The following FHIT variants were observed in gnomAD, a reference collection of about 807,000 sequenced individuals.
FHIT encodes bis(5'-adenosyl)-triphosphatase.
In FHIT, 19 loss-of-function variants were observed where a neutral mutation model predicts 17.9. The observed-to-expected ratio is 1.06, with a 90% CI of 0.74 to 1.56. The LOEUF (loss-of-function observed/expected upper bound fraction) is 1.56. FHIT is among the 40% of genes most tolerant of loss of function. The probability of loss-of-function intolerance (pLI) is 0.00; values close to 1 mark genes in which losing one functional copy is unlikely to be tolerated. For synonymous variants in FHIT, 81 were observed against 69.7 expected (o/e 1.16, Z -0.81); for missense variants, 248 against 189.2 (o/e 1.31, Z -1.82).
At position 60,224,260 on chromosome 3, in the gene FHIT, T is replaced by C. The variant is rs555284687; in HGVS notation, c.104-210108A>G. On this transcript the variant is annotated intron_variant, in intron 5 of 9. Transcript: ENST00000492590. ...CCATTCTTCCTGGTTCCAGAGTCCGTACTCTAAAGACCCACTACCCACTAT... is the reference window on the plus strand; with the variant it reads ...CCATTCTTCCTGGTTCCAGAGTCCGCACTCTAAAGACCCACTACCCACTAT... Among the ~76,000 whole-genome samples the C allele has an allele frequency of 3.0e-4, 46 of 152,244 alleles. 1 individual carries two copies. Among genetic ancestry groups the C allele is most frequent in the African/African-American group, 1.0e-3 (42 of 41,554 alleles).
At chr3:60,124,685 T>C (rs9871341) in intron 5 of FHIT, among the ~76,000 whole-genome samples, 71,492 of 151,906 alleles carry the variant, frequency 0.47, 17,226 homozygotes, top group African/African-American at 0.51. Flanking sequence ...AAATAAGCTT[T>C]ATGCACCCAT....
chr3:61,079,060 A>G (rs1042506178), intron 2 of FHIT, among the ~76,000 whole-genome samples: 4 of 152,186 alleles, frequency 2.6e-5, no homozygotes, highest in African/African-American at 7.2e-5. Context: ...AGTTCTCACT[A>G]TGTGCTAGAG....
chr3:60,036,678 G>T (rs910958007), intron 5 of FHIT, among the ~76,000 whole-genome samples: 2 of 151,992 alleles, frequency 1.3e-5, no homozygotes, highest in African/African-American at 4.8e-5. Context: ...TATTCAAAGG[G>T]CATCCATTTC....
chr3:60,957,812 G>A (rs1331454440), intron 3 of FHIT, among the ~76,000 whole-genome samples: 1 of 152,140 alleles, frequency 6.6e-6, no homozygotes, highest in Non-Finnish European at 1.5e-5. Context: ...CAGCACAACT[G>A]ATATTGTATA....
At chr3:60,028,145 C>T (rs971170781) in intron 5 of FHIT, among the ~76,000 whole-genome samples, 2 of 149,904 alleles carry the variant, frequency 1.3e-5, no homozygotes, top group South Asian at 2.1e-4. Flanking sequence ...AGGTGGGTGG[C>T]CACCACCTAG....
At chr3:61,082,561 A>T (rs1035443360) in intron 2 of FHIT, among the ~76,000 whole-genome samples, 3 of 152,192 alleles carry the variant, frequency 2.0e-5, no homozygotes, top group African/African-American at 7.2e-5. Flanking sequence ...TTTAGCGTAT[A>T]TCTAGTAGAA....
intron 8 of FHIT, among the ~76,000 whole-genome samples, chr3:59,909,726 A>AT (rs1389878925): frequency 6.6e-6 from 1 of 152,132 alleles, no homozygotes; most frequent in African/African-American, 2.4e-5. Context: ...ACTAAAGTCA[A>AT]TTTTTTTCAC....
intron 3 of FHIT, among the ~76,000 whole-genome samples, chr3:60,935,201 AT>A (rs1272927649): frequency 2.6e-5 from 4 of 152,230 alleles, no homozygotes; most frequent in African/African-American, 9.6e-5. Context: ...CAAATAGTTA[AT>A]TAACTATTAT....
chr3:61,170,084 G>A (rs1328869891), intron 2 of FHIT, among the ~76,000 whole-genome samples: 2 of 152,166 alleles, frequency 1.3e-5, no homozygotes, highest in Non-Finnish European at 1.5e-5. Context: ...GGCCAAGGTC[G>A]CTAGTTGAGA....
intron 1 of FHIT, among the ~76,000 whole-genome samples, chr3:61,243,836 G>A (rs933608949): frequency 1.3e-5 from 2 of 152,132 alleles, no homozygotes; most frequent in African/African-American, 4.8e-5. Flanking sequence ...GGGTAGGGGA[G>A]AAAGAGTGTC....
chr3:60,986,016 T>C (rs553863455), intron 3 of FHIT, among the ~76,000 whole-genome samples: 1 of 152,360 alleles, frequency 6.6e-6, no homozygotes, highest in East Asian at 1.9e-4. Context: ...GCTTACCTCC[T>C]GTCTCCCCCT....
intron 8 of FHIT, among the ~76,000 whole-genome samples, chr3:59,879,830 C>T (rs1394318164): frequency 6.6e-6 from 1 of 152,142 alleles, no homozygotes; most frequent in Admixed American, 6.5e-5. Flanking sequence ...TTAATGAACT[C>T]TCCTCCAATA....
At chr3:60,214,162 T>A (rs907177013) in intron 5 of FHIT, among the ~76,000 whole-genome samples, 6 of 152,324 alleles carry the variant, frequency 3.9e-5, no homozygotes, top group Admixed American at 1.3e-4. Flanking sequence ...GAGAGTTTCA[T>A]ATTTTTCATT....
rs773813054 is a variant in FHIT at position 60,536,991 on chromosome 3, G to C, written c.-17-12C>G. ...CTCACAGTTGAAGTCTAAAAGAAAA[G>C]ACAATGGATAGTTATAAAATTCAAT... is the stretch of plus-strand genomic sequence containing the variant. On this transcript the variant is annotated splice_polypyrimidine_tract_variant and intron_variant, in intron 4 of 9. Coordinates refer to ENST00000492590, the MANE Select transcript of FHIT (RefSeq NM_002012.4). 1.0e-5 allele frequency: 16 copies of C among 1,587,938 alleles called. No homozygotes were observed. The highest frequency in any genetic ancestry group is 1.9e-5 in the Admixed American group (1 of 53,298).
At chr3:60,467,023 G>A (rs967188624) in intron 5 of FHIT, among the ~76,000 whole-genome samples, 10 of 151,706 alleles carry the variant, frequency 6.6e-5, no homozygotes, top group African/African-American at 1.7e-4. Context: ...TTTGCTGAGC[G>A]ACTTCATTAT....
Position 60,282,289 on chromosome 3 carries a change from C to G in FHIT, c.103+254571G>C, listed in dbSNP as rs138351282. Among the ~76,000 whole-genome samples the G allele has an allele frequency of 2.3e-4, 35 of 152,170 alleles. No homozygotes were observed. In the East Asian group the frequency reaches 5.2e-3, roughly 23 times the overall value. On this transcript the variant is annotated intron_variant, in intron 5 of 9. Coordinates refer to ENST00000492590, the MANE Select transcript of FHIT (RefSeq NM_002012.4). Reference sequence around the variant, plus strand: ...ATAAACAAACTGTGGCAAATCCATACGACAGAATACTAGTCTACAATTTTT... The same window carrying G: ...ATAAACAAACTGTGGCAAATCCATAGGACAGAATACTAGTCTACAATTTTT...
rs548141915 is a variant in FHIT at position 60,585,426 on chromosome 3, T to A, written c.-17-48447A>T. Among the ~76,000 whole-genome samples the A allele has an allele frequency of 7.9e-5, 12 of 152,182 alleles. No homozygotes were observed. In the South Asian group the frequency reaches 2.5e-3, roughly 32 times the overall value. On this transcript the variant is annotated intron_variant, in intron 4 of 9. Transcript: ENST00000492590. ...TGTAGTGGTAGTCACCCTTAAGTTATTCATAGACAATTTCAATTATTTATT... is the reference window on the plus strand; with the variant it reads ...TGTAGTGGTAGTCACCCTTAAGTTAATCATAGACAATTTCAATTATTTATT...
At chr3:60,768,255 G>C (rs546740240) in intron 4 of FHIT, among the ~76,000 whole-genome samples, 1 of 152,272 alleles carries the variant, frequency 6.6e-6, no homozygotes, top group East Asian at 1.9e-4. Context: ...CATGAATGAG[G>C]CATTAGGAAG....
At chr3:59,948,845 T>C (rs1477645214) in intron 7 of FHIT, among the ~76,000 whole-genome samples, 3 of 152,240 alleles carry the variant, frequency 2.0e-5, no homozygotes, top group South Asian at 2.1e-4. Context: ...GTTTTTTTTT[T>C]CCCCACAGTT....
Sources: gnomAD v4.1 joint callset for allele counts (sites outside exome capture counted in the v4.1 genomes callset) on GRCh38, gnomAD v4.1.1 for gene constraint, MANE v1.5 for transcripts, NCBI Gene and HGNC (gene_info 2026-07-23, HGNC 2026-07-21) for gene names.